The following SRGAP3 variants were observed in gnomAD, a reference collection of about 807,000 sequenced individuals.
SRGAP3 encodes SLIT-ROBO Rho GTPase activating protein 3, also known as SLIT-ROBO Rho GTPase-activating protein 3.
SRGAP3 carries 39 observed loss-of-function variants against 121.1 expected under a neutral mutation model. The ratio of observed to expected loss-of-function variants is 0.32; its 90% CI spans 0.25 to 0.42. SRGAP3 has a LOEUF of 0.42. Among genes scored for constraint, SRGAP3 ranks in the 10% least tolerant of loss-of-function variants. The pLI is 1.00. For synonymous variants in SRGAP3, 601 were observed against 570.0 expected (o/e 1.05, Z -0.77); for missense variants, 1,213 against 1,470.6 (o/e 0.82, Z 2.86).
At chr3:9,059,690 AG>A in intron 6 of SRGAP3, 1 of 202,406 alleles carries the variant, frequency 4.9e-6, no homozygotes, top group South Asian at 9.1e-5. Context: ...GGTACTCGGG[AG>A]TCAGTGTTCC....
chr3:9,007,965 C>T (rs1016684866), intron 18 of SRGAP3: 1 of 152,204 alleles, frequency 6.6e-6, no homozygotes, highest in Non-Finnish European at 1.5e-5. Flanking sequence ...CAATACCCCC[C>T]ACTAATACAC....
At chr3:9,130,335 A>G (rs1949398916) in intron 1 of SRGAP3, among the ~76,000 whole-genome samples, 1 of 152,182 alleles carries the variant, frequency 6.6e-6, no homozygotes, top group Non-Finnish European at 1.5e-5. Flanking sequence ...AACTCTAACA[A>G]ACTACACAGG....
chr3:9,206,216 C>T (rs548277405), intron 1 of SRGAP3, among the ~76,000 whole-genome samples: 2 of 152,294 alleles, frequency 1.3e-5, no homozygotes, highest in South Asian at 4.1e-4. Context: ...AGGCTCTGTG[C>T]TAACCTCTAC....
At chr3:9,155,094 G>A (rs1186585499) in intron 1 of SRGAP3, among the ~76,000 whole-genome samples, 4 of 151,400 alleles carry the variant, frequency 2.6e-5, no homozygotes, top group Middle Eastern at 3.4e-3. Context: ...AGCAGGCCTC[G>A]GTGTGTATTA....
chr3:9,089,744 C>T (rs1456328568), intron 3 of SRGAP3, among the ~76,000 whole-genome samples: 1 of 152,196 alleles, frequency 6.6e-6, no homozygotes, highest in Non-Finnish European at 1.5e-5. Context: ...GTGGAACAGG[C>T]TCCTGTTTGC....
chr3:9,294,005 T>C (rs1254629184), intron 3 of SRGAP3, among the ~76,000 whole-genome samples: 1 of 152,218 alleles, frequency 6.6e-6, no homozygotes, highest in African/African-American at 2.4e-5. Flanking sequence ...GGAATATAAA[T>C]CATTCTCTTA....
At chr3:9,205,198 C>A (rs1952221605) in intron 1 of SRGAP3, among the ~76,000 whole-genome samples, 1 of 152,100 alleles carries the variant, frequency 6.6e-6, no homozygotes, top group Non-Finnish European at 1.5e-5. Context: ...CTAGTAGCCA[C>A]ACTAAAAAAT....
chr3:9,118,111 G>A (rs185887635), intron 2 of SRGAP3, among the ~76,000 whole-genome samples: 8 of 152,210 alleles, frequency 5.3e-5, no homozygotes, highest in South Asian at 2.1e-4. Context: ...CAGCTTGGGC[G>A]ACAGGGTGAG....
chr3:9,173,186 G>A (rs1951051219), intron 1 of SRGAP3, among the ~76,000 whole-genome samples: 1 of 152,222 alleles, frequency 6.6e-6, no homozygotes, highest in Admixed American at 6.5e-5. Context: ...CAACAGGGCA[G>A]GAAAGCTTCA....
intron 3 of SRGAP3, among the ~76,000 whole-genome samples, chr3:9,290,189 T>C (rs2125269891): frequency 6.6e-6 from 1 of 152,312 alleles, no homozygotes; most frequent in East Asian, 1.9e-4. Flanking sequence ...TGCTTACCTT[T>C]CTTCATTTTT....
intron 1 of SRGAP3, among the ~76,000 whole-genome samples, chr3:9,342,485 C>T (rs910740494): frequency 3.3e-5 from 5 of 152,208 alleles, no homozygotes; most frequent in South Asian, 4.1e-4. Context: ...CAAGTGTCAC[C>T]GGAACTTTTC....
chr3:9,187,000 A>G (rs1951614706), intron 1 of SRGAP3, among the ~76,000 whole-genome samples: 1 of 152,168 alleles, frequency 6.6e-6, no homozygotes, highest in Non-Finnish European at 1.5e-5. Context: ...TCTGGGACAC[A>G]TGTGCAGAAC....
chr3:9,353,926 G>A (rs2030341359), intron 1 of SRGAP3, among the ~76,000 whole-genome samples: 1 of 152,098 alleles, frequency 6.6e-6, no homozygotes, highest in Non-Finnish European at 1.5e-5. Context: ...AATAGATTGG[G>A]GAGTACAAGG....
chr3:9,270,454 G>T (rs559171735), intron 3 of SRGAP3, among the ~76,000 whole-genome samples: 54 of 152,214 alleles, frequency 3.5e-4, no homozygotes, highest in Non-Finnish European at 6.8e-4. Flanking sequence ...GAACCATCTG[G>T]AGTAATGGAA....
chr3:9,166,098 C>T (rs938118922), intron 1 of SRGAP3, among the ~76,000 whole-genome samples: 3 of 152,200 alleles, frequency 2.0e-5, no homozygotes, highest in Non-Finnish European at 4.4e-5. Flanking sequence ...CCTTCCCTGA[C>T]ACCACCATTC....
At chr3:9,200,076 T>G (rs890408743) in intron 1 of SRGAP3, among the ~76,000 whole-genome samples, 2 of 152,178 alleles carry the variant, frequency 1.3e-5, no homozygotes, top group African/African-American at 4.8e-5. Flanking sequence ...GCTGACAATA[T>G]GGTGGCTGTA....
intron 1 of SRGAP3, among the ~76,000 whole-genome samples, chr3:9,182,175 C>CAAAAAAAAAAAAA (rs34305216): frequency 4.0e-4 from 15 of 37,286 alleles, no homozygotes; most frequent in African/African-American, 7.0e-4. Flanking sequence ...GACTCTGTCT[C>CAAAAAAAAAAAAA]AAAAAAAAAA....
At chr3:9,351,267 T>C (rs2030127522) in intron 1 of SRGAP3, among the ~76,000 whole-genome samples, 1 of 152,202 alleles carries the variant, frequency 6.6e-6, no homozygotes, top group Admixed American at 6.5e-5. Flanking sequence ...AAAACCTTTG[T>C]AGGCAATCTA....
At chr3:9,142,863 G>C (rs1303029605) in intron 1 of SRGAP3, among the ~76,000 whole-genome samples, 1 of 84,988 alleles carries the variant, frequency 1.2e-5, no homozygotes, top group African/African-American at 4.4e-5. Flanking sequence ...GATAAGACAG[G>C]GTCTCTCTCT....
Sources: gnomAD v4.1 joint callset for allele counts (sites outside exome capture counted in the v4.1 genomes callset) on GRCh38, gnomAD v4.1.1 for gene constraint, MANE v1.5 for transcripts, NCBI Gene and HGNC (gene_info 2026-07-23, HGNC 2026-07-21) for gene names.